The following WDR91 variants were observed in gnomAD, a reference collection of about 807,000 sequenced individuals.
WDR91 encodes the protein WD repeat-containing protein 91.
A neutral mutation model predicts 88.4 loss-of-function variants in WDR91; 52 were observed. The ratio of observed to expected loss-of-function variants is 0.59; its 90% CI spans 0.47 to 0.74. The LOEUF is 0.74. Ranked by LOEUF, WDR91 falls within the 30% of genes least tolerant of loss-of-function variation. The pLI is 0.00. For missense variants in WDR91, 824 were observed against 954.5 expected, an observed-to-expected ratio of 0.86 and a Z score of 1.80; for synonymous variants, 362 against 389.5, an observed-to-expected ratio of 0.93 and a Z score of 0.83.
intron 1 of WDR91, among the ~76,000 whole-genome samples, chr7:135,210,408 T>TA (rs1264107620): frequency 1.3e-5 from 2 of 152,024 alleles, no homozygotes; most frequent in African/African-American, 2.4e-5. Flanking sequence ...CTCACATTTT[T>TA]AAAAAAGGGG....
chr7:135,197,808 T>C (rs1361172436), intron 7 of WDR91, 185 bp downstream of exon 7: 22 of 658,692 alleles, frequency 3.3e-5, no homozygotes, highest in Non-Finnish European at 4.9e-5. Flanking sequence ...ATGGGAGAAA[T>C]GGACCACAGA....
intron 6 of WDR91, chr7:135,201,689 G>A (rs1482864307): frequency 1.3e-5 from 2 of 152,170 alleles, no homozygotes; most frequent in East Asian, 1.9e-4. Context: ...AGAAAGAAGG[G>A]CTCTGGTGTG....
Position 135,209,680 on chromosome 7 carries a change from A to C in WDR91, c.199T>G (p.Tyr67Asp). 3 of 1,613,766 alleles carry C rather than the reference A, an allele frequency of 1.9e-6. No individual in the cohort carries two copies. Among genetic ancestry groups the C allele is most frequent in the Non-Finnish European group, 2.5e-6 (3 of 1,179,830 alleles). The part of the protein sequence containing the change: ...DLAALRDYWS[Y>D]LERRLFSRLE... ...CGGCTGAAGAGCCGACGCTCCAAGTAGCTCCAATAATCCCGAAGGGCAGCC... is the reference window on the plus strand; with the variant it reads ...CGGCTGAAGAGCCGACGCTCCAAGTCGCTCCAATAATCCCGAAGGGCAGCC... The change falls in exon 2 of 15, where the codon TAC becomes GAC. Residue 67 changes from tyrosine (Y) to aspartate (D), a missense_variant. Tyr to Asp is a radical substitution (Grantham distance 160, BLOSUM62 -3). Coordinates refer to ENST00000354475, the MANE Select transcript of WDR91 (RefSeq NM_014149.4).
rs1014639586 is a variant in WDR91 at position 135,184,247 on chromosome 7, A to C, written c.*1904T>G. ...TGTTTTCTCATAATCAAGCCACTTA[A>C]ATACCTCCCTACTTTTCCCTCAACT... On this transcript the variant is annotated 3_prime_UTR_variant, in exon 15 of 15. Coordinates refer to ENST00000354475, the MANE Select transcript of WDR91 (RefSeq NM_014149.4). 3 of 152,170 alleles carry C rather than the reference A, an allele frequency of 2.0e-5. No homozygotes were observed. The highest frequency in any genetic ancestry group is 7.2e-5 in the African/African-American group (3 of 41,424). 9.4% of individuals were successfully genotyped at this position (152,170 alleles called of 1,614,324 possible). A position where few individuals can be genotyped will look rare whatever the true frequency, so the allele number is the denominator to read the frequency against.
At chr7:135,188,616 G>A in intron 12 of WDR91, 71 bp from the exon 13 acceptor site, 1 of 1,339,398 alleles carries the variant, frequency 7.5e-7, no homozygotes, top group Non-Finnish European at 1.1e-6. Context: ...TGCAGCAGGA[G>A]GCCCCCTCAC....
intron 4 of WDR91, among the ~76,000 whole-genome samples, chr7:135,206,668 G>A (rs1831797623): frequency 6.6e-6 from 1 of 151,950 alleles, no homozygotes; most frequent in Non-Finnish European, 1.5e-5. Context: ...ATATAGCTGA[G>A]TAGGAACAAC....
chr7:135,204,640 G>A (rs932876038), intron 5 of WDR91, among the ~76,000 whole-genome samples: 1 of 152,142 alleles, frequency 6.6e-6, no homozygotes, highest in Non-Finnish European at 1.5e-5. Flanking sequence ...TGAAGTCTGC[G>A]GCTCTTCTTT....
At chr7:135,206,888 T>TA (rs775998821) in intron 4 of WDR91, 18 of 258,358 alleles carry the variant, frequency 7.0e-5, no homozygotes, top group Non-Finnish European at 9.9e-5. Context: ...TAATTACTGT[T>TA]ACTATATTGT....
At chr7:135,210,053 T>C (rs1238455303) in intron 1 of WDR91, among the ~76,000 whole-genome samples, 1 of 152,096 alleles carries the variant, frequency 6.6e-6, no homozygotes, top group African/African-American at 2.4e-5. Context: ...CTTGATCAAT[T>C]TGGCAGTGTC....
At chr7:135,209,957 G>T in intron 1 of WDR91, 1 of 436,222 alleles carries the variant, frequency 2.3e-6, no homozygotes, top group Non-Finnish European at 4.0e-6. Flanking sequence ...TGACCCTCTA[G>T]CAAGCACGGA....
intron 11 of WDR91, among the ~76,000 whole-genome samples, chr7:135,192,108 GTT>G (rs751914024): frequency 0.031 from 1,547 of 50,298 alleles, 19 homozygotes; most frequent in East Asian, 0.19. Flanking sequence ...TTTCTGTTGT[GTT>G]TTTTTTTTTT....
At chr7:135,209,541 AC>A in intron 2 of WDR91, 34 bp downstream of exon 2, 7 of 1,500,090 alleles carry the variant, frequency 4.7e-6, no homozygotes, top group Non-Finnish European at 5.3e-6. Flanking sequence ...AGCTCCTTCC[AC>A]CAAGGGAAGC....
chr7:135,211,310 G>A, intron 1 of WDR91, 70 bp downstream of exon 1: 5 of 1,545,248 alleles, frequency 3.2e-6, no homozygotes, highest in Non-Finnish European at 4.4e-6. Context: ...CGGAGGCAGT[G>A]CTGGGGGGAA....
rs1831770168 is a variant in WDR91 at position 135,206,133 on chromosome 7, A to T, written c.595-75T>A. ...TCTGCGGAGGAAGATTTCTAGACAC[A>T]TCGCATCCAAGCCCACTGGTCTGAG... On this transcript the variant is annotated intron_variant, in intron 4 of 14. Transcript: ENST00000354475. 2.5e-6 allele frequency: 4 copies of T among 1,594,374 alleles called. No individual in the cohort carries two copies. The East Asian group carries it at 8.9e-5, about 36-fold the overall frequency.
Position 135,194,299 on chromosome 7 carries a change from G to A in WDR91, c.1396-627C>T, listed in dbSNP as rs970520738. Among the ~76,000 whole-genome samples the A allele has an allele frequency of 3.9e-5, 6 of 152,312 alleles. No individual in the cohort carries two copies. In the East Asian group the frequency reaches 1.2e-3, roughly 29 times the overall value. ...AGAGTGTGACCTCGGCATTCACTTG[G>A]CAAACTGGCGCTGGCACAGGGCAAG... On this transcript the variant is annotated intron_variant, in intron 9 of 14. Transcript: ENST00000354475.
intron 9 of WDR91, 57 bp from the exon 10 acceptor site, chr7:135,193,729 G>A: frequency 6.6e-7 from 1 of 1,504,088 alleles, no homozygotes; most frequent in Non-Finnish European, 9.2e-7. Context: ...GCTGAGTCAG[G>A]GAGGATCTCC....
Position 135,185,893 on chromosome 7 carries a change from G to A in WDR91, c.*258C>T. The A allele has an allele frequency of 2.2e-6, 1 of 448,684 alleles. No homozygotes were observed. The highest frequency in any genetic ancestry group is 3.9e-6 in the Non-Finnish European group (1 of 257,018). 27.8% of individuals were successfully genotyped at this position (448,684 alleles called of 1,614,324 possible). A position where few individuals can be genotyped will look rare whatever the true frequency, so the allele number is the denominator to read the frequency against. On this transcript the variant is annotated 3_prime_UTR_variant, in exon 15 of 15. Coordinates refer to ENST00000354475, the MANE Select transcript of WDR91 (RefSeq NM_014149.4). Reference sequence around the variant, plus strand: ...CACTGCAATGTTTCTCCTTCTTCCGGAGCTTTCCTCCCATAGTCTCACATG... The same window carrying A: ...CACTGCAATGTTTCTCCTTCTTCCGAAGCTTTCCTCCCATAGTCTCACATG...
Position 135,211,476 on chromosome 7 carries a change from G to T in WDR91, c.27C>A (p.Asp9Glu). 1 of 1,611,880 alleles carries T rather than the reference G, an allele frequency of 6.2e-7. No homozygotes were observed. Residue 9 changes from aspartate to glutamate, a missense_variant, in exon 1 of 15, where the codon GAC becomes GAA. Asp to Glu is a conservative substitution (Grantham distance 45). Transcript: ENST00000354475. ...AGAGCAGGTACTCCCGGACCAGCTC[G>T]TCAGTGCGCTCCACGGCCTCCGCCA... Reference protein sequence around the residue: MAEAVERTDELVREYLLFR... With the variant: MAEAVERTEELVREYLLFR...
intron 6 of WDR91, 68 bp downstream of exon 6, chr7:135,204,200 G>C: frequency 6.4e-7 from 1 of 1,572,304 alleles, no homozygotes; most frequent in Non-Finnish European, 8.7e-7. Context: ...TTGACCAGGA[G>C]GTCTGGAAGC....
Sources: gnomAD v4.1 joint callset for allele counts (sites outside exome capture counted in the v4.1 genomes callset) on GRCh38, gnomAD v4.1.1 for gene constraint, MANE v1.5 for transcripts, NCBI Gene and HGNC (gene_info 2026-07-23, HGNC 2026-07-21) for gene names.